The following LRP1B variants were observed in gnomAD, a reference collection of about 807,000 sequenced individuals.
LRP1B encodes low-density lipoprotein receptor-related protein 1B.
A neutral mutation model predicts 556.6 loss-of-function variants in LRP1B; 217 were observed. That is an observed-to-expected ratio of 0.39 (90% CI 0.35 to 0.44). The LOEUF is 0.44. Among genes scored for constraint, LRP1B ranks in the 20% least tolerant of loss-of-function variants. The pLI, the probability that LRP1B is intolerant of heterozygous loss-of-function variation, is 1.00. For missense variants in LRP1B, 5,053 were observed against 5,620.8 expected (o/e 0.90, Z 3.23); for synonymous variants, 2,047 against 1,865.8 (o/e 1.10, Z -2.50).
intron 1 of LRP1B, among the ~76,000 whole-genome samples, chr2:141,972,877 AT>A (rs974218383): frequency 2.6e-5 from 4 of 151,752 alleles, no homozygotes; most frequent in African/African-American, 7.2e-5. Context: ...AACAAGTTGT[AT>A]TTTTTTCTAA....
intron 2 of LRP1B, among the ~76,000 whole-genome samples, chr2:141,549,132 GA>G (rs1685658714): frequency 6.6e-6 from 1 of 152,122 alleles, no homozygotes; most frequent in Admixed American, 6.5e-5. Context: ...ATGTGGTTAA[GA>G]GCACAAATTT....
intron 7 of LRP1B, among the ~76,000 whole-genome samples, chr2:141,104,975 AGTG>A (rs1412011623): frequency 5.9e-5 from 9 of 152,212 alleles, no homozygotes; most frequent in African/African-American, 1.9e-4. Flanking sequence ...TCATTTATAA[AGTG>A]GTGGTATAGT....
At position 140,994,045 on chromosome 2, in the gene LRP1B, T is replaced by C. The variant is rs1697168521; in HGVS notation, c.2594A>G (p.Asp865Gly). 1 of 1,612,774 alleles carries C rather than the reference T, an allele frequency of 6.2e-7. No individual in the cohort carries two copies. The highest frequency in any genetic ancestry group is 8.5e-7 in the Non-Finnish European group (1 of 1,179,150). ...RHCIQARWKCDGDDDCLDGSD... is the reference protein window; with the variant it reads ...RHCIQARWKCGGDDDCLDGSD... ...TCCGTCTAGGCAGTCATCGTCGCCATCACATTTCCACCGAGCTTGGATACA... is the reference window on the plus strand; with the variant it reads ...TCCGTCTAGGCAGTCATCGTCGCCACCACATTTCCACCGAGCTTGGATACA... The change falls in exon 16 of 91, where the codon GAT becomes GGT. Residue 865 changes from aspartate (D) to glycine (G), a missense_variant. By Grantham distance (94) the Asp-to-Gly change is moderately conservative. Transcript: ENST00000389484.
At position 140,501,710 on chromosome 2, in the gene LRP1B, G is replaced by C. The variant is rs763149687; in HGVS notation, c.8827C>G (p.Gln2943Glu). 1.9e-6 allele frequency: 3 copies of C among 1,610,846 alleles called. No homozygotes were observed. Among genetic ancestry groups the C allele is most frequent in the South Asian group, 1.1e-5 (1 of 90,710 alleles). The change falls in exon 55 of 91, where the codon CAA (glutamine) becomes GAA (glutamate). Residue 2943 changes from glutamine (Q) to glutamate (E), a missense_variant. Physicochemically the swap from Gln to Glu is conservative, Grantham distance 29 (BLOSUM62 2). Coordinates refer to ENST00000389484, the MANE Select transcript of LRP1B (RefSeq NM_018557.3). ...ACCTTATAACTGACCGGAAGGTCTT[G>C]ACAGTCTTGAGAACATCCACTGACT... is the stretch of plus-strand genomic sequence containing the variant. ...KKVSGCSQDC[Q>E]DLPVSYKCKC...
intron 83 of LRP1B, among the ~76,000 whole-genome samples, chr2:140,312,670 G>T (rs1458319424): frequency 9.9e-5 from 15 of 151,664 alleles, no homozygotes. Context: ...CTATGAGCAG[G>T]TCATAAAAAT....
At chr2:141,165,227 G>C (rs1418794540) in intron 7 of LRP1B, among the ~76,000 whole-genome samples, 2 of 151,898 alleles carry the variant, frequency 1.3e-5, no homozygotes, top group South Asian at 4.1e-4. Context: ...GAAATCATCA[G>C]CCAAGAATTA....
At chr2:140,450,150 T>C (rs187313081) in intron 63 of LRP1B, among the ~76,000 whole-genome samples, 1 of 152,316 alleles carries the variant, frequency 6.6e-6, no homozygotes, top group East Asian at 1.9e-4. Flanking sequence ...ATGCTGACAG[T>C]AAATTTAAGA....
intron 1 of LRP1B, among the ~76,000 whole-genome samples, chr2:142,052,660 T>C (rs1704502357): frequency 6.6e-6 from 1 of 152,112 alleles, no homozygotes; most frequent in Non-Finnish European, 1.5e-5. Flanking sequence ...CTCTGATCCC[T>C]CACTGTTTTT....
intron 41 of LRP1B, among the ~76,000 whole-genome samples, chr2:140,674,039 C>T (rs1685583104): frequency 6.6e-6 from 1 of 151,450 alleles, no homozygotes; most frequent in African/African-American, 2.4e-5. Context: ...ACCTCTGCCT[C>T]CTGGGTTCAA....
In LRP1B at chr2:141,064,916, AT is replaced by A. The variant is rs1036971851; in HGVS notation, c.1014-2644del. Among the ~76,000 whole-genome samples the A allele has an allele frequency of 1.1e-4, 17 of 151,912 alleles. 1 individual carries two copies. The highest frequency in any genetic ancestry group is 6.6e-4 in the Admixed American group (10 of 15,210). On this transcript the variant is annotated intron_variant, in intron 7 of 90. Transcript: ENST00000389484. ...TCTTTTCTATAACATATTTTTCCAA[AT>A]CATAAACAAGTAAATGGTGCTCTGC...
chr2:141,313,866 C>T (rs1487905148), intron 3 of LRP1B, among the ~76,000 whole-genome samples: 10 of 145,998 alleles, frequency 6.8e-5, no homozygotes, highest in Non-Finnish European at 1.5e-4. Flanking sequence ...AGATTTCACT[C>T]TTTTTTTTTT....
chr2:141,457,440 T>G (rs183041968), intron 3 of LRP1B, among the ~76,000 whole-genome samples: 5 of 151,794 alleles, frequency 3.3e-5, no homozygotes, highest in African/African-American at 9.7e-5. Context: ...TGCCAGTGGG[T>G]GGGGTGAGGG....
At chr2:141,893,684 A>T (rs1699356960) in intron 1 of LRP1B, among the ~76,000 whole-genome samples, 1 of 152,272 alleles carries the variant, frequency 6.6e-6, no homozygotes, top group Middle Eastern at 3.4e-3. Flanking sequence ...TTTCCACGGG[A>T]CAAAAATCTT....
In LRP1B at chr2:140,514,551, T is replaced by G. The variant is rs1689804237; in HGVS notation, c.8269+102A>C. The G allele has an allele frequency of 5.4e-6, 6 of 1,105,326 alleles. No individual in the cohort carries two copies. In the Admixed American group the frequency reaches 1.6e-4, roughly 29 times the overall value. The allele number at this position is 1,105,326 out of a possible 1,614,324, so 68.5% of individuals were successfully genotyped here. A position where few individuals can be genotyped will look rare whatever the true frequency, so the allele number is the denominator to read the frequency against. On this transcript the variant is annotated intron_variant, in intron 51 of 90. Transcript: ENST00000389484. ...TACCTAGAAAGGTACACATAAATTTTATGTTAATTTTAATAAATTAGCAAA... is the reference window on the plus strand; with the variant it reads ...TACCTAGAAAGGTACACATAAATTTGATGTTAATTTTAATAAATTAGCAAA...
chr2:140,887,610 G>A (rs571700905), intron 23 of LRP1B, among the ~76,000 whole-genome samples: 8 of 152,238 alleles, frequency 5.3e-5, no homozygotes, highest in Non-Finnish European at 5.9e-5. Flanking sequence ...AAAAACTGGT[G>A]CATATTCATG....
At chr2:141,184,494 A>G (rs1357651567) in intron 7 of LRP1B, among the ~76,000 whole-genome samples, 1 of 151,922 alleles carries the variant, frequency 6.6e-6, no homozygotes, top group Non-Finnish European at 1.5e-5. Flanking sequence ...ACAGAGAAGA[A>G]ACTGAACGCA....
rs1382267862 is a variant in LRP1B at position 141,544,375 on chromosome 2, TCTTCTTCTCCTC to T, written c.206-63854_206-63843del. 3.1e-4 allele frequency among the ~76,000 whole-genome samples: 36 copies of T among 115,328 alleles called. 5 individuals carry two copies. Among genetic ancestry groups the T allele is most frequent in the Middle Eastern group, 8.8e-3 (2 of 228 alleles). The allele number at this position is 115,328 out of a possible 152,430, so 75.7% of individuals were successfully genotyped here. ...TTCTTCTTCTTCTTCTTCTTCTTCT[TCTTCTTCTCCTC>T]CTCCTCCTCCTCCTCCTCCTCCTCC... On this transcript the variant is annotated intron_variant, in intron 2 of 90. Transcript: ENST00000389484.
intron 2 of LRP1B, among the ~76,000 whole-genome samples, chr2:141,749,229 T>C (rs1331884837): frequency 6.6e-6 from 1 of 152,208 alleles, no homozygotes; most frequent in Non-Finnish European, 1.5e-5. Context: ...ATGCTTGATA[T>C]GGAAAACAAG....
chr2:140,279,720 A>G (rs1272001924), intron 84 of LRP1B, among the ~76,000 whole-genome samples: 1 of 151,946 alleles, frequency 6.6e-6, no homozygotes. Context: ...TCAGTATGTA[A>G]TTGTTTACTT....
Sources: allele counts gnomAD v4.1 joint callset (sites outside exome capture counted in the v4.1 genomes callset), GRCh38; gene constraint gnomAD v4.1.1; transcripts MANE v1.5; gene names NCBI Gene and HGNC (gene_info 2026-07-23, HGNC 2026-07-21).